The following ARHGAP15 variants were observed in gnomAD, a reference collection of about 807,000 sequenced individuals.
ARHGAP15 encodes Rho GTPase activating protein 15.
A neutral mutation model predicts 63.7 loss-of-function variants in ARHGAP15; 51 were observed. That is an observed-to-expected ratio of 0.80 (90% CI 0.64 to 1.01). The LOEUF (loss-of-function observed/expected upper bound fraction) is 1.01, where lower values mean the gene tolerates loss of function less well. Ranked by LOEUF, ARHGAP15 falls within the 50% of genes least tolerant of loss-of-function variation. The probability of loss-of-function intolerance (pLI) is 0.00; values close to 1 mark genes in which losing one functional copy is unlikely to be tolerated. For missense variants in ARHGAP15, 560 were observed against 564.6 expected (o/e 0.99, Z 0.08); for synonymous variants, 191 against 193.8 (o/e 0.99, Z 0.12).
At chr2:143,438,574 T>G (rs914415443) in intron 8 of ARHGAP15, among the ~76,000 whole-genome samples, 1 of 152,230 alleles carries the variant, frequency 6.6e-6, no homozygotes, top group Non-Finnish European at 1.5e-5. Flanking sequence ...CCAGTTGTGC[T>G]AAGTTGGAGT....
intron 10 of ARHGAP15, among the ~76,000 whole-genome samples, chr2:143,543,930 A>G (rs549683753): frequency 1.3e-5 from 2 of 152,292 alleles, no homozygotes; most frequent in Admixed American, 6.5e-5. Context: ...TCTCTCCTAG[A>G]CCACTAGAGG....
At chr2:143,628,219 TCCA>T (rs1698912948) in intron 12 of ARHGAP15, among the ~76,000 whole-genome samples, 1 of 152,166 alleles carries the variant, frequency 6.6e-6, no homozygotes. Context: ...CTTTATCCAG[TCCA>T]CCATCACTGG....
At chr2:143,701,157 A>G (rs1171216793) in intron 12 of ARHGAP15, among the ~76,000 whole-genome samples, 1 of 152,308 alleles carries the variant, frequency 6.6e-6, no homozygotes, top group African/African-American at 2.4e-5. Flanking sequence ...GCTTCCAAGC[A>G]GAGTTCTACT....
intron 10 of ARHGAP15, among the ~76,000 whole-genome samples, chr2:143,537,456 G>A (rs1484171602): frequency 1.3e-5 from 2 of 152,148 alleles, no homozygotes; most frequent in Non-Finnish European, 2.9e-5. Context: ...CCTTGCCCAT[G>A]CTTATGTCTT....
chr2:143,763,743 T>C (rs190784250), intron 13 of ARHGAP15, among the ~76,000 whole-genome samples: 104 of 147,178 alleles, frequency 7.1e-4, no homozygotes, highest in African/African-American at 2.2e-3. Context: ...TATATGTATG[T>C]ATATGTATAT....
chr2:143,146,611 G>GCACA (rs151062386), intron 1 of ARHGAP15, among the ~76,000 whole-genome samples: 1 of 151,066 alleles, frequency 6.6e-6, no homozygotes, highest in African/African-American at 2.4e-5. Context: ...ACATAGGCAT[G>GCACA]CACACACACA....
chr2:143,338,436 A>G (rs1684904814), intron 6 of ARHGAP15, among the ~76,000 whole-genome samples: 1 of 152,190 alleles, frequency 6.6e-6, no homozygotes, highest in Non-Finnish European at 1.5e-5. Context: ...TATCTCAGAG[A>G]CTAGAATTTG....
chr2:143,656,721 C>T (rs892275378), intron 12 of ARHGAP15, among the ~76,000 whole-genome samples: 1 of 152,174 alleles, frequency 6.6e-6, no homozygotes, highest in African/African-American at 2.4e-5. Context: ...AAAGTGCTTT[C>T]TAAAAGCAGT....
At chr2:143,193,199 T>C (rs1393166273) in intron 2 of ARHGAP15, among the ~76,000 whole-genome samples, 1 of 152,216 alleles carries the variant, frequency 6.6e-6, no homozygotes, top group Non-Finnish European at 1.5e-5. Flanking sequence ...CTTGTAGTAT[T>C]ATGCAGGCTG....
intron 1 of ARHGAP15, among the ~76,000 whole-genome samples, chr2:143,137,384 G>A (rs1245999808): frequency 6.6e-6 from 1 of 152,038 alleles, no homozygotes; most frequent in Non-Finnish European, 1.5e-5. Context: ...TAGAATCAAG[G>A]AAGACAATCT....
chr2:143,702,139 G>C (rs867424344), intron 12 of ARHGAP15, among the ~76,000 whole-genome samples: 7 of 152,124 alleles, frequency 4.6e-5, no homozygotes, highest in Admixed American at 6.6e-5. Flanking sequence ...TCCAGCTGTG[G>C]CCTGTTTAGA....
intron 11 of ARHGAP15, among the ~76,000 whole-genome samples, chr2:143,620,566 C>T (rs900330440): frequency 6.6e-6 from 1 of 152,158 alleles, no homozygotes; most frequent in Non-Finnish European, 1.5e-5. Context: ...TGCCTTTTCC[C>T]TTTCTGCTTC....
intron 11 of ARHGAP15, among the ~76,000 whole-genome samples, chr2:143,577,145 G>A (rs1038148626): frequency 6.6e-6 from 1 of 152,028 alleles, no homozygotes; most frequent in African/African-American, 2.4e-5. Flanking sequence ...CAAATTCTTA[G>A]GCCCTGAAAA....
chr2:143,475,460 G>A (rs762300750), intron 8 of ARHGAP15, among the ~76,000 whole-genome samples: 4 of 152,224 alleles, frequency 2.6e-5, no homozygotes, highest in Admixed American at 2.6e-4. Flanking sequence ...TTTTAATAGA[G>A]GGTTCTGTCC....
At chr2:143,236,008 T>G (rs1172345624) in intron 5 of ARHGAP15, 1 of 1,537,812 alleles carries the variant, frequency 6.5e-7, no homozygotes, top group African/African-American at 1.4e-5. Context: ...CAAATCTCCA[T>G]TTTTGGTTAA....
At chr2:143,170,048 G>T (rs547398137) in intron 2 of ARHGAP15, among the ~76,000 whole-genome samples, 2 of 150,206 alleles carry the variant, frequency 1.3e-5, no homozygotes, top group Admixed American at 6.7e-5. Flanking sequence ...CTGTACCTTC[G>T]AGCTGCTCTG....
intron 2 of ARHGAP15, among the ~76,000 whole-genome samples, chr2:143,187,447 C>T (rs1229918405): frequency 6.6e-6 from 1 of 152,136 alleles, no homozygotes; most frequent in African/African-American, 2.4e-5. Flanking sequence ...TGCAGGGGTT[C>T]CTTCGATGAT....
chr2:143,280,640 C>T (rs1241802263), intron 6 of ARHGAP15, among the ~76,000 whole-genome samples: 1 of 152,100 alleles, frequency 6.6e-6, no homozygotes, highest in East Asian at 1.9e-4. Context: ...GTGTTACCAG[C>T]TTCATTCATC....
intron 8 of ARHGAP15, among the ~76,000 whole-genome samples, chr2:143,471,038 C>T (rs1691524255): frequency 6.8e-6 from 1 of 147,280 alleles, no homozygotes. Flanking sequence ...TGTATATATG[C>T]ACACACACAT....
Sources: allele counts gnomAD v4.1 joint callset (sites outside exome capture counted in the v4.1 genomes callset), GRCh38; gene constraint gnomAD v4.1.1; transcripts MANE v1.5; gene names NCBI Gene and HGNC (gene_info 2026-07-23, HGNC 2026-07-21).